The following ABRAXAS1 variants were observed in gnomAD, a reference collection of about 807,000 sequenced individuals.
The protein encoded by ABRAXAS1 is BRCA1-A complex subunit Abraxas 1.
In ABRAXAS1, 26 loss-of-function variants were observed where a neutral mutation model predicts 38.4. The observed-to-expected ratio is 0.68, with a 90% CI of 0.50 to 0.94. The LOEUF (loss-of-function observed/expected upper bound fraction) is 0.94. Ranked by LOEUF, ABRAXAS1 falls within the 40% of genes least tolerant of loss-of-function variation. ABRAXAS1 has a pLI of 0.00. For missense variants in ABRAXAS1, 438 were observed against 481.9 expected (o/e 0.91, Z 0.85); for synonymous variants, 144 against 165.5 (o/e 0.87, Z 1.00).
chr4:83,462,932 A>G, intron 8 of ABRAXAS1, 30 bp from the exon 9 acceptor site: 4 of 1,398,852 alleles, frequency 2.9e-6, no homozygotes, highest in Non-Finnish European at 2.9e-6. Context: ...AGTTCAACAT[A>G]TAACATTTCT....
At chr4:83,480,752 A>C (rs1350265459) in intron 2 of ABRAXAS1, among the ~76,000 whole-genome samples, 1 of 152,170 alleles carries the variant, frequency 6.6e-6, no homozygotes, top group Non-Finnish European at 1.5e-5. Flanking sequence ...ATAATGAAAA[A>C]CTAGAAACAG....
chr4:83,470,739 C>G (rs533564631), intron 4 of ABRAXAS1, among the ~76,000 whole-genome samples: 1 of 152,140 alleles, frequency 6.6e-6, no homozygotes, highest in Non-Finnish European at 1.5e-5. Flanking sequence ...GCCATTGATT[C>G]ACTTAAAAGG....
chr4:83,467,757 C>T (rs1287910502), intron 6 of ABRAXAS1, among the ~76,000 whole-genome samples: 2 of 152,024 alleles, frequency 1.3e-5, no homozygotes, highest in East Asian at 3.8e-4. Flanking sequence ...GTACTATTGC[C>T]AGGTCTCCCA....
rs778033373 is a variant in ABRAXAS1, at chr4:83,459,824, T to C, written c.*2645A>G. On this transcript the variant is annotated 3_prime_UTR_variant, in exon 9 of 9. Coordinates refer to ENST00000321945, the MANE Select transcript of ABRAXAS1 (RefSeq NM_139076.3). ...TATGTTCTTTTTTATTATGGGAATATAAATGTAGATACGAATTATATCAAT... is the reference window on the plus strand; with the variant it reads ...TATGTTCTTTTTTATTATGGGAATACAAATGTAGATACGAATTATATCAAT... 6.6e-7 allele frequency: 1 copy of C among 1,512,194 alleles called. No individual in the cohort carries two copies. Among genetic ancestry groups the C allele is most frequent in the Non-Finnish European group, 9.1e-7 (1 of 1,100,604 alleles). 93.7% of individuals were successfully genotyped at this position (1,512,194 alleles called of 1,614,324 possible).
chr4:83,475,812 T>TA (rs1335000506), intron 3 of ABRAXAS1, among the ~76,000 whole-genome samples: 1 of 152,190 alleles, frequency 6.6e-6, no homozygotes, highest in Non-Finnish European at 1.5e-5. Context: ...CAATAAAAGC[T>TA]AAAAAATACA....
At chr4:83,470,454 A>G in intron 4 of ABRAXAS1, 58 bp from the exon 5 acceptor site, 2 of 1,197,974 alleles carry the variant, frequency 1.7e-6, no homozygotes, top group Non-Finnish European at 2.3e-6. Flanking sequence ...ATGTCTTACT[A>G]TTATAATTAA....
intron 6 of ABRAXAS1, among the ~76,000 whole-genome samples, chr4:83,468,752 CT>C: frequency 6.6e-6 from 1 of 152,188 alleles, no homozygotes; most frequent in African/African-American, 2.4e-5. Flanking sequence ...GTTGCCCAGG[CT>C]AGTCTCCAAC....
chr4:83,478,366 G>A, intron 2 of ABRAXAS1: 1 of 586,658 alleles, frequency 1.7e-6, no homozygotes, highest in South Asian at 1.4e-5. Context: ...CTTTGGCGTG[G>A]ACCCTGGAAC....
chr4:83,481,710 C>T (rs1039685815), intron 2 of ABRAXAS1, among the ~76,000 whole-genome samples: 17 of 152,088 alleles, frequency 1.1e-4, no homozygotes, highest in African/African-American at 3.4e-4. Context: ...AAAATGAGTA[C>T]AACATATCCT....
chr4:83,478,345 G>A (rs781704587), intron 2 of ABRAXAS1: 5 of 601,764 alleles, frequency 8.3e-6, no homozygotes, highest in Non-Finnish European at 1.6e-5. Flanking sequence ...AAAGGATTTT[G>A]GCCAAACTGG....
At chr4:83,467,316 A>G (rs1435210464) in intron 7 of ABRAXAS1, 138 bp downstream of exon 7, 2 of 567,402 alleles carry the variant, frequency 3.5e-6, no homozygotes, top group African/African-American at 4.0e-5. Flanking sequence ...CATTTCTCAG[A>G]AGGTACATAG....
At chr4:83,484,867 A>C in intron 1 of ABRAXAS1, 119 bp downstream of exon 1, 1 of 783,924 alleles carries the variant, frequency 1.3e-6, no homozygotes, top group Non-Finnish European at 1.9e-6. Context: ...CCGCGACCGC[A>C]GGGAGGAGGC....
intron 2 of ABRAXAS1, among the ~76,000 whole-genome samples, chr4:83,481,418 C>T (rs1253022359): frequency 6.6e-6 from 1 of 152,186 alleles, no homozygotes; most frequent in Non-Finnish European, 1.5e-5. Context: ...ACCCACTCCT[C>T]AAACCCTTTA....
At chr4:83,477,174 CTG>C (rs1310369064) in intron 2 of ABRAXAS1, among the ~76,000 whole-genome samples, 2 of 152,104 alleles carry the variant, frequency 1.3e-5, no homozygotes, top group Non-Finnish European at 2.9e-5. Flanking sequence ...TTTAAAATAA[CTG>C]GAGCAAATAC....
At chr4:83,471,215 T>C (rs1722578374) in intron 4 of ABRAXAS1, among the ~76,000 whole-genome samples, 2 of 86,088 alleles carry the variant, frequency 2.3e-5, no homozygotes, top group East Asian at 3.9e-4. Flanking sequence ...TTTTTTTTTT[T>C]TTTTTTTTGA....
chr4:83,474,439 G>A (rs543378145), intron 3 of ABRAXAS1, among the ~76,000 whole-genome samples: 4 of 152,164 alleles, frequency 2.6e-5, no homozygotes, highest in Non-Finnish European at 5.9e-5. Flanking sequence ...AAGGCCAGGC[G>A]TGGGTGTCTC....
chr4:83,463,451 A>G (rs549320751), intron 8 of ABRAXAS1, 43 bp downstream of exon 8: 6 of 1,377,100 alleles, frequency 4.4e-6, no homozygotes, highest in African/African-American at 1.5e-5. Flanking sequence ...ATAAATAAAT[A>G]AAAATTTTTA....
intron 6 of ABRAXAS1, 135 bp from the exon 7 acceptor site, chr4:83,467,673 A>C (rs540009664): frequency 5.2e-6 from 3 of 579,306 alleles, no homozygotes; most frequent in African/African-American, 3.8e-5. Context: ...TTGTCAATCT[A>C]TGTGTATAGA....
intron 2 of ABRAXAS1, chr4:83,480,300 A>C: frequency 2.7e-6 from 1 of 370,882 alleles, no homozygotes; most frequent in Non-Finnish European, 5.3e-6. Flanking sequence ...TGACCTCGAG[A>C]GGCAGAGGTT....
Sources: allele counts gnomAD v4.1 joint callset (sites outside exome capture counted in the v4.1 genomes callset), GRCh38; gene constraint gnomAD v4.1.1; transcripts MANE v1.5; gene names NCBI Gene and HGNC (gene_info 2026-07-23, HGNC 2026-07-21).